Variants in ZFHX4 observed in about 807,000 individuals in gnomAD.
The protein encoded by ZFHX4 is zinc finger homeobox protein 4.
Under a neutral mutation model 267.6 loss-of-function variants are expected in ZFHX4, and 56 were observed. The observed-to-expected ratio is 0.21, with a 90% CI of 0.17 to 0.26. The LOEUF (loss-of-function observed/expected upper bound fraction) is 0.26, where lower values mean the gene tolerates loss of function less well. ZFHX4 is among the 10% of genes least tolerant of loss of function. The pLI is 1.00. For synonymous variants in ZFHX4, 1,778 were observed against 1,665.6 expected, an observed-to-expected ratio of 1.07 and a Z score of -1.64; for missense variants, 4,332 against 4,420.0, an observed-to-expected ratio of 0.98 and a Z score of 0.56.
chr8:76,824,548 A>G (rs543627660), intron 4 of ZFHX4, among the ~76,000 whole-genome samples: 74 of 152,240 alleles, frequency 4.9e-4, no homozygotes, highest in Admixed American at 3.9e-4. Flanking sequence ...CAAAGTTCAT[A>G]TTCTGTCACA....
rs112093539 is a variant in ZFHX4 at position 76,703,261 on chromosome 8, G to T, written c.-46-782G>T. The stretch of plus-strand genomic sequence containing the variant: ...TCACCAGGATTGGTAACATCAAAAT[G>T]GTATTTGAAATGGTGTTCATTACGC... On this transcript the variant is annotated intron_variant, in intron 1 of 10. Transcript: ENST00000651372. Among the ~76,000 whole-genome samples, 795 of 152,232 alleles carry T rather than the reference G, an allele frequency of 5.2e-3. 7 individuals carry two copies. Among genetic ancestry groups the T allele is most frequent in the African/African-American group, 0.018 (765 of 41,538 alleles).
intron 5 of ZFHX4, chr8:76,834,306 A>G (rs2131893692): frequency 3.8e-6 from 1 of 260,642 alleles, no homozygotes; most frequent in Middle Eastern, 5.7e-4. Context: ...TGTAAAAACC[A>G]CCAAACTGTC....
intron 3 of ZFHX4, among the ~76,000 whole-genome samples, chr8:76,730,558 G>T (rs763903640): frequency 2.2e-4 from 33 of 152,008 alleles, no homozygotes; most frequent in Admixed American, 5.9e-4. Flanking sequence ...AATTAGCCGG[G>T]CATGGTGATG....
intron 3 of ZFHX4, among the ~76,000 whole-genome samples, chr8:76,763,801 T>C (rs1257202222): frequency 6.6e-6 from 1 of 152,178 alleles, no homozygotes; most frequent in Non-Finnish European, 1.5e-5. Context: ...TATAAGCTGC[T>C]TAAAATGTAT....
intron 4 of ZFHX4, among the ~76,000 whole-genome samples, chr8:76,781,076 T>G (rs906258455): frequency 6.6e-6 from 1 of 152,062 alleles, no homozygotes; most frequent in Non-Finnish European, 1.5e-5. Flanking sequence ...ATTTGTAAGT[T>G]GTGTGGTTGA....
chr8:76,824,818 G>T (rs1162936432), intron 4 of ZFHX4, among the ~76,000 whole-genome samples: 1 of 152,028 alleles, frequency 6.6e-6, no homozygotes, highest in African/African-American at 2.4e-5. Flanking sequence ...TGATCCTCCT[G>T]CTTCGGCCTC....
chr8:76,766,161 C>G (rs911490275), intron 3 of ZFHX4, among the ~76,000 whole-genome samples: 1 of 151,682 alleles, frequency 6.6e-6, no homozygotes, highest in African/African-American at 2.4e-5. Context: ...TCTTGTTGAA[C>G]AAGTGCTTGA....
At chr8:76,731,383 T>A (rs1476095435) in intron 3 of ZFHX4, among the ~76,000 whole-genome samples, 1 of 152,110 alleles carries the variant, frequency 6.6e-6, no homozygotes, top group Non-Finnish European at 1.5e-5. Context: ...AGTTTGGAGA[T>A]GGGGAGAAGG....
At chr8:76,793,194 C>G (rs964220755) in intron 4 of ZFHX4, among the ~76,000 whole-genome samples, 1 of 151,934 alleles carries the variant, frequency 6.6e-6, no homozygotes. Context: ...AGTTACCTTC[C>G]AAGGAACATT....
At chr8:76,819,916 A>G (rs1223950161) in intron 4 of ZFHX4, among the ~76,000 whole-genome samples, 1 of 152,226 alleles carries the variant, frequency 6.6e-6, no homozygotes, top group Non-Finnish European at 1.5e-5. Context: ...AGACTTCTAG[A>G]GTATTTAGGG....
Position 76,856,029 on chromosome 8 carries a change from G to C in ZFHX4, c.9108G>C (p.Arg3036Ser), listed in dbSNP as rs1415180925. Residue 3036 changes from arginine (R) to serine (S), a missense_variant, in exon 10 of 11, where the codon AGG (arginine) becomes AGC (serine). Around this residue, in one of 7 missense-constraint regions of ZFHX4, gnomAD observed 1,648 missense variants for 1,625.0 expected, o/e 1.01. Coordinates refer to ENST00000651372, the MANE Select transcript of ZFHX4 (RefSeq NM_024721.5). ...CCAAACAGCACATTTCAAAAGTGAGGGAGACCGTTGGCAGTCAGCTCGATC... is the reference window on the plus strand; with the variant it reads ...CCAAACAGCACATTTCAAAAGTGAGCGAGACCGTTGGCAGTCAGCTCGATC... ...IFSKQHISKV[R>S]ETVGSQLDRE... 3 of 1,613,966 alleles carry C rather than the reference G, an allele frequency of 1.9e-6. No homozygotes were observed. Among genetic ancestry groups the C allele is most frequent in the Non-Finnish European group, 8.5e-7 (1 of 1,179,874 alleles).
intron 3 of ZFHX4, among the ~76,000 whole-genome samples, chr8:76,766,530 C>T (rs183955684): frequency 1.2e-4 from 18 of 152,108 alleles, no homozygotes; most frequent in Non-Finnish European, 1.8e-4. Context: ...AGCAAAAACA[C>T]TATTATTTTT....
At chr8:76,814,599 A>T (rs1392132212) in intron 4 of ZFHX4, among the ~76,000 whole-genome samples, 1 of 152,206 alleles carries the variant, frequency 6.6e-6, no homozygotes, top group Admixed American at 6.5e-5. Context: ...TTAGAAAAAT[A>T]TAGTTTGATA....
intron 3 of ZFHX4, among the ~76,000 whole-genome samples, chr8:76,716,471 G>T (rs988829830): frequency 6.6e-6 from 1 of 152,098 alleles, no homozygotes; most frequent in Non-Finnish European, 1.5e-5. Flanking sequence ...AAAACACCTT[G>T]CTTGAGTCCT....
chr8:76,737,179 G>GA (rs908880233), intron 3 of ZFHX4, among the ~76,000 whole-genome samples: 6 of 152,114 alleles, frequency 3.9e-5, no homozygotes, highest in African/African-American at 1.4e-4. Context: ...TGTATCTGCT[G>GA]AGCTACATCT....
chr8:76,835,207 G>T (rs149281311), intron 5 of ZFHX4, among the ~76,000 whole-genome samples: 1,025 of 51,288 alleles, frequency 0.02, 18 homozygotes, highest in African/African-American at 0.12. Context: ...TTTTGCTTTG[G>T]TGTATATATA....
intron 3 of ZFHX4, among the ~76,000 whole-genome samples, chr8:76,771,111 T>A (rs1250844474): frequency 6.6e-6 from 1 of 152,188 alleles, no homozygotes; most frequent in Non-Finnish European, 1.5e-5. Context: ...AGAAAAGGAA[T>A]GCTATTGAAG....
chr8:76,851,917 G>A lies in ZFHX4; in HGVS notation c.4996G>A (p.Asp1666Asn). The change falls in exon 10 of 11, where the codon GAT becomes AAT. Residue 1666 changes from aspartate (D) to asparagine (N), a missense_variant. Asp to Asn is a conservative substitution (Grantham distance 23). Transcript: ENST00000651372. The stretch of plus-strand genomic sequence containing the variant: ...TGTAAACAGCAAAGATACCCATTTA[G>A]ATGCCAAAGAATTAAATAAAAAGCA... ...AAVNSKDTHL[D>N]AKELNKKQTP... The A allele has an allele frequency of 6.2e-7, 1 of 1,613,944 alleles. No individual in the cohort carries two copies. The highest frequency in any genetic ancestry group is 8.5e-7 in the Non-Finnish European group (1 of 1,179,854).
intron 4 of ZFHX4, among the ~76,000 whole-genome samples, chr8:76,779,273 T>C (rs1211620148): frequency 6.6e-6 from 1 of 152,216 alleles, no homozygotes; most frequent in Non-Finnish European, 1.5e-5. Flanking sequence ...CCCTTTTTTT[T>C]CTTCCTTTTG....
Sources: gnomAD v4.1 joint callset for allele counts (sites outside exome capture counted in the v4.1 genomes callset) on GRCh38, gnomAD v4.1.1 for gene constraint, gnomAD v4.1.1 regional missense constraint, MANE v1.5 for transcripts, NCBI Gene and HGNC (gene_info 2026-07-23, HGNC 2026-07-21) for gene names.